ACLY: variants seen among roughly 807,000 people sequenced by gnomAD.
ACLY encodes the protein ATP citrate lyase.
ACLY carries 41 observed loss-of-function variants against 133.0 expected under a neutral mutation model. The observed-to-expected ratio is 0.31, with a 90% CI of 0.24 to 0.40. The LOEUF (loss-of-function observed/expected upper bound fraction) is 0.40. Ranked by LOEUF, ACLY falls within the 10% of genes least tolerant of loss-of-function variation. The pLI is 1.00. For synonymous variants in ACLY, 495 were observed against 549.3 expected (o/e 0.90, Z 1.38); for missense variants, 1,046 against 1,453.8 (o/e 0.72, Z 4.56).
At chr17:41,869,245 C>A in intron 26 of ACLY, 120 bp from the exon 27 acceptor site, 1 of 968,040 alleles carries the variant, frequency 1.0e-6, no homozygotes, top group Admixed American at 2.1e-5. Flanking sequence ...TCTACCAGCC[C>A]CACTGGTCGA....
At chr17:41,876,217 G>A (rs528888027) in intron 22 of ACLY, among the ~76,000 whole-genome samples, 2 of 151,710 alleles carry the variant, frequency 1.3e-5, no homozygotes, top group African/African-American at 4.8e-5. Context: ...TCTTCGCCCG[G>A]CAGCCACCCC....
intron 13 of ACLY, 23 bp downstream of exon 13, chr17:41,897,726 T>A: frequency 6.2e-7 from 1 of 1,608,854 alleles, no homozygotes; most frequent in African/African-American, 1.3e-5. Context: ...CCCTGCAACA[T>A]GCCTGAAGCC....
At chr17:41,869,647 A>G (rs1444589446) in intron 25 of ACLY, 60 bp from the exon 26 acceptor site, 6 of 1,433,972 alleles carry the variant, frequency 4.2e-6, no homozygotes, top group Non-Finnish European at 5.9e-6. Context: ...GTGTTTGTTC[A>G]TACTTGTGTT....
At chr17:41,877,951 A>C (rs1300930570) in intron 22 of ACLY, 152 bp downstream of exon 22, 1 of 396,004 alleles carries the variant, frequency 2.5e-6, no homozygotes, top group Non-Finnish European at 4.5e-6. Flanking sequence ...CTTTATATAT[A>C]TATATCCTAT....
chr17:41,899,097 A>C (rs1417114333), intron 11 of ACLY, among the ~76,000 whole-genome samples: 1 of 152,078 alleles, frequency 6.6e-6, no homozygotes, highest in Non-Finnish European at 1.5e-5. Context: ...CAACGTGGTG[A>C]AACCCTGTCT....
chr17:41,890,832 C>T (rs1489889847), intron 16 of ACLY, among the ~76,000 whole-genome samples: 4 of 67,308 alleles, frequency 5.9e-5, no homozygotes, highest in Non-Finnish European at 8.0e-5. Context: ...GAAACCCCAT[C>T]TGTACAAAAA....
intron 3 of ACLY, among the ~76,000 whole-genome samples, chr17:41,910,815 C>T (rs188809984): frequency 7.4e-4 from 112 of 152,256 alleles, no homozygotes; most frequent in African/African-American, 2.6e-3. Context: ...GATTCCCTGG[C>T]GGCGGCTGTG....
In ACLY at chr17:41,927,019, C is replaced by T. The variant is rs782775912; in HGVS notation, c.-28+3339G>A. Among the ~76,000 whole-genome samples, 90 of 152,050 alleles carry T rather than the reference C, an allele frequency of 5.9e-4. 2 individuals are homozygous for T. The highest frequency in any genetic ancestry group is 2.6e-4 in the Admixed American group (4 of 15,264). ...GAGTAACTGGGATTCCAGGCATGTG[C>T]CATCACGCCCAGCTAATTTTGTATT... is the stretch of plus-strand genomic sequence containing the variant. On this transcript the variant is annotated intron_variant, in intron 1 of 3. Coordinates refer to the ACLY transcript ENST00000592970.
intron 3 of ACLY, among the ~76,000 whole-genome samples, chr17:41,911,746 G>A (rs1555633689): frequency 6.6e-6 from 1 of 152,204 alleles, no homozygotes; most frequent in Non-Finnish European, 1.5e-5. Context: ...AACCTGGGAA[G>A]TGGAGGCTGT....
intron 22 of ACLY, among the ~76,000 whole-genome samples, chr17:41,875,836 G>A (rs1324059745): frequency 1.3e-5 from 2 of 152,162 alleles, no homozygotes; most frequent in African/African-American, 2.4e-5. Flanking sequence ...CCAAAGTGCC[G>A]AGATTGCAGC....
upstream of ACLY, among the ~76,000 whole-genome samples, chr17:41,923,402 T>C (rs1555635643): frequency 6.6e-6 from 1 of 152,206 alleles, no homozygotes; most frequent in East Asian, 1.9e-4. Context: ...ATTGAGCACC[T>C]ACTATGTGAA....
At chr17:41,907,320 C>G in intron 7 of ACLY, 122 bp downstream of exon 7, 2 of 500,466 alleles carry the variant, frequency 4.0e-6, no homozygotes, top group Non-Finnish European at 6.5e-6. Flanking sequence ...TTAAATGCTT[C>G]TCAGTCTTCC....
chr17:41,885,273 C>CAGT (rs1429953752), intron 18 of ACLY, among the ~76,000 whole-genome samples: 7 of 152,112 alleles, frequency 4.6e-5, no homozygotes, highest in Non-Finnish European at 8.8e-5. Flanking sequence ...TTTGGTCAGG[C>CAGT]AGTACCCAAG....
intron 22 of ACLY, among the ~76,000 whole-genome samples, chr17:41,876,342 G>A (rs1199341670): frequency 2.0e-5 from 3 of 147,216 alleles, no homozygotes; most frequent in Non-Finnish European, 3.0e-5. Context: ...GGTGAGGGGC[G>A]CCTCTGCCCG....
At chr17:41,887,827 T>C (rs1567895293) in intron 16 of ACLY, 124 bp from the exon 17 acceptor site, 5 of 780,842 alleles carry the variant, frequency 6.4e-6, no homozygotes, top group Admixed American at 4.2e-5. Flanking sequence ...AACAAAGTAA[T>C]GTTAACAATA....
rs149943076 is a variant in ACLY, at chr17:41,878,961, C to T, written c.2266-37G>A. 2.7e-4 allele frequency: 428 copies of T among 1,612,854 alleles called. 7 individuals are homozygous for T. The Middle Eastern group carries it at 3.3e-3, about 12-fold the overall frequency. Reference sequence around the variant, plus strand: ...AGGAAAGTAGCTTTACTGCTAATCCCCCAAGAGTGAACATAGAATCCCATG... The same window carrying T: ...AGGAAAGTAGCTTTACTGCTAATCCTCCAAGAGTGAACATAGAATCCCATG... On this transcript the variant is annotated intron_variant, in intron 20 of 28. Coordinates refer to ENST00000352035, the MANE Select transcript of ACLY (RefSeq NM_001096.3).
intron 16 of ACLY, among the ~76,000 whole-genome samples, chr17:41,890,487 A>G (rs567605405): frequency 6.7e-6 from 1 of 150,282 alleles, no homozygotes; most frequent in South Asian, 2.1e-4. Flanking sequence ...GATCGAGACC[A>G]CCCTGGCCAA....
intron 7 of ACLY, 125 bp downstream of exon 7, chr17:41,907,317 C>A: frequency 5.7e-6 from 3 of 522,488 alleles, no homozygotes; most frequent in Non-Finnish European, 6.1e-6. Flanking sequence ...AAATTAAATG[C>A]TTCTCAGTCT....
chr17:41,914,212 A>T (rs373315035), intron 1 of ACLY, among the ~76,000 whole-genome samples: 1 of 152,054 alleles, frequency 6.6e-6, no homozygotes. Flanking sequence ...CCACAACCAC[A>T]CTCATCCTGG....
Sources: allele counts gnomAD v4.1 joint callset (sites outside exome capture counted in the v4.1 genomes callset), GRCh38; gene constraint gnomAD v4.1.1; transcripts MANE v1.5; gene names NCBI Gene and HGNC (gene_info 2026-07-23, HGNC 2026-07-21).